NOS1: variants seen among roughly 807,000 people sequenced by gnomAD.
NOS1 encodes the protein nitric oxide synthase 1.
NOS1 carries 51 observed loss-of-function variants against 164.5 expected under a neutral mutation model. That is an observed-to-expected ratio of 0.31 (90% CI 0.25 to 0.39). The LOEUF is 0.39. Among genes scored for constraint, NOS1 ranks in the 10% least tolerant of loss-of-function variants. The pLI is 1.00. For missense variants in NOS1, 1,362 were observed against 1,885.6 expected (o/e 0.72, Z 5.14); for synonymous variants, 719 against 745.8 (o/e 0.96, Z 0.59).
At chr12:117,245,774 T>C (rs1870570183) in intron 18 of NOS1, 1 of 152,126 alleles carries the variant, frequency 6.6e-6, no homozygotes, top group African/African-American at 2.4e-5. Flanking sequence ...AAAAATTAGC[T>C]GGGCATTGCG....
rs1368549263 is a variant in NOS1, at chr12:117,272,700, T to C, written c.1665-141A>G. On this transcript the variant is annotated intron_variant, in intron 9 of 28. Transcript: ENST00000317775. The surrounding 1 kb of genome is among the most constrained non-coding windows in gnomAD (Gnocchi z 4.3). Reference sequence around the variant, plus strand: ...TGGTTCCTGGGCCCTGCTTCAGATCTGTGGAATTGCAGGTTCTGCAGCTGG... The same window carrying C: ...TGGTTCCTGGGCCCTGCTTCAGATCCGTGGAATTGCAGGTTCTGCAGCTGG... 2 of 741,224 alleles carry C rather than the reference T, an allele frequency of 2.7e-6. No homozygotes were observed. Among genetic ancestry groups the C allele is most frequent in the African/African-American group, 1.8e-5 (1 of 56,242 alleles). The allele number at this position is 741,224 out of a possible 1,614,324, so 45.9% of individuals were successfully genotyped here. A position where few individuals can be genotyped will look rare whatever the true frequency, so the allele number is the denominator to read the frequency against.
chr12:117,237,616 C>T (rs990608674), intron 20 of NOS1, among the ~76,000 whole-genome samples: 5 of 151,620 alleles, frequency 3.3e-5, no homozygotes, highest in Non-Finnish European at 5.9e-5. Flanking sequence ...ACATGCTTGG[C>T]GGTGGCTCAA....
chr12:117,268,734 C>T (rs1305477209), intron 10 of NOS1, among the ~76,000 whole-genome samples: 3 of 151,306 alleles, frequency 2.0e-5, no homozygotes, highest in African/African-American at 4.9e-5. Context: ...GGACTACAGG[C>T]GGCCGCCACC....
At chr12:117,352,986 C>T (rs1566088204) in intron 1 of NOS1, among the ~76,000 whole-genome samples, 2 of 152,128 alleles carry the variant, frequency 1.3e-5, no homozygotes. Context: ...TATCTACCTA[C>T]TTGTCTTTCT....
At chr12:117,247,777 T>C (rs1365403326) in intron 17 of NOS1, among the ~76,000 whole-genome samples, 4 of 151,958 alleles carry the variant, frequency 2.6e-5, no homozygotes, top group African/African-American at 9.7e-5. Flanking sequence ...AAACCCCGTC[T>C]CTACTAAAAG....
intron 9 of NOS1, among the ~76,000 whole-genome samples, chr12:117,274,838 T>C (rs1363467214): frequency 1.3e-5 from 2 of 151,270 alleles, no homozygotes; most frequent in African/African-American, 4.9e-5. Flanking sequence ...CCTGTGTTTA[T>C]TGAAGCACTA....
intron 1 of NOS1, among the ~76,000 whole-genome samples, chr12:117,340,619 T>G (rs1876053378): frequency 1.3e-5 from 2 of 152,198 alleles, no homozygotes; most frequent in Non-Finnish European, 2.9e-5. Context: ...AACCTCTGCC[T>G]CCCAGGTTCA....
intron 2 of NOS1, among the ~76,000 whole-genome samples, chr12:117,312,340 A>G (rs1874472354): frequency 6.6e-6 from 1 of 152,160 alleles, no homozygotes; most frequent in Non-Finnish European, 1.5e-5. Flanking sequence ...AAGTGCTGGG[A>G]TTACAGGCGT....
At chr12:117,295,770 C>T (rs988919124) in intron 3 of NOS1, among the ~76,000 whole-genome samples, 1 of 151,754 alleles carries the variant, frequency 6.6e-6, no homozygotes, top group Non-Finnish European at 1.5e-5. Context: ...CAGGCATGCA[C>T]CACCATGCCT....
At chr12:117,258,859 G>A (rs796709306) in intron 15 of NOS1, among the ~76,000 whole-genome samples, 167 bp downstream of exon 15, 46 of 152,278 alleles carry the variant, frequency 3.0e-4, no homozygotes, top group African/African-American at 1.1e-3. Context: ...CTGAGTACTT[G>A]GAATTGTCCA....
intron 26 of NOS1, among the ~76,000 whole-genome samples, chr12:117,222,000 C>A (rs1305910237): frequency 6.6e-6 from 1 of 151,824 alleles, no homozygotes; most frequent in African/African-American, 2.4e-5. Flanking sequence ...GTAACATTTA[C>A]CGTCGTAACC....
At chr12:117,216,059 G>A (rs1468336774) in intron 28 of NOS1, among the ~76,000 whole-genome samples, 1 of 151,438 alleles carries the variant, frequency 6.6e-6, no homozygotes, top group Non-Finnish European at 1.5e-5. Context: ...TGTGTTTTTA[G>A]TAGAGACAGG....
intron 3 of NOS1, among the ~76,000 whole-genome samples, chr12:117,294,692 T>C (rs1219199266): frequency 6.6e-6 from 1 of 152,188 alleles, no homozygotes; most frequent in Non-Finnish European, 1.5e-5. Flanking sequence ...TTAGCAGCAC[T>C]TGTGAGTTAT....
At chr12:117,231,214 G>A (rs1200642066) in intron 22 of NOS1, among the ~76,000 whole-genome samples, 2 of 151,992 alleles carry the variant, frequency 1.3e-5, no homozygotes, top group Non-Finnish European at 2.9e-5. Context: ...CTGCTCGGGA[G>A]GCTGAGGCAC....
At chr12:117,238,508 T>A (rs1566034013) in intron 20 of NOS1, among the ~76,000 whole-genome samples, 1 of 109,870 alleles carries the variant, frequency 9.1e-6, no homozygotes, top group Admixed American at 1.3e-4. Context: ...CTATTGTTTC[T>A]TTTCTTTTCT....
chr12:117,237,125 C>T (rs1222527797), intron 20 of NOS1, among the ~76,000 whole-genome samples: 1 of 152,156 alleles, frequency 6.6e-6, no homozygotes, highest in Non-Finnish European at 1.5e-5. Context: ...TTCTGCTGAG[C>T]TTTGTAAGTA....
intron 3 of NOS1, among the ~76,000 whole-genome samples, chr12:117,292,613 C>T (rs971310217): frequency 6.6e-6 from 1 of 152,158 alleles, no homozygotes; most frequent in Non-Finnish European, 1.5e-5. Flanking sequence ...GAAACTGAGG[C>T]ACAGAGAGGT....
intron 3 of NOS1, among the ~76,000 whole-genome samples, chr12:117,304,290 C>A (rs1874019081): frequency 6.6e-6 from 1 of 152,178 alleles, no homozygotes; most frequent in South Asian, 2.1e-4. Flanking sequence ...TCAGCCACAA[C>A]CATTCCCTTG....
At chr12:117,258,266 T>C (rs1371072745) in intron 16 of NOS1, 131 bp downstream of exon 16, 2 of 885,800 alleles carry the variant, frequency 2.3e-6, no homozygotes, top group East Asian at 2.6e-5. Context: ...ACCTCACAAC[T>C]AAGACCCATT....
Sources: allele counts gnomAD v4.1 joint callset (sites outside exome capture counted in the v4.1 genomes callset), GRCh38; gene constraint gnomAD v4.1.1; non-coding constraint Gnocchi (gnomAD v3.1); transcripts MANE v1.5; gene names NCBI Gene and HGNC (gene_info 2026-07-23, HGNC 2026-07-21).